Variants in PCDH15 observed in about 807,000 individuals in gnomAD.
PCDH15 encodes the protein protocadherin related 15.
Under a neutral mutation model 178.5 loss-of-function variants are expected in PCDH15, and 129 were observed. The ratio of observed to expected loss-of-function variants is 0.72; its 90% CI spans 0.63 to 0.84. The LOEUF (loss-of-function observed/expected upper bound fraction) is 0.84. PCDH15 is among the 40% of genes least tolerant of loss of function. PCDH15 has a pLI of 0.00. For missense variants in PCDH15, 2,230 were observed against 2,099.9 expected (o/e 1.06, Z -1.21); for synonymous variants, 800 against 732.0 (o/e 1.09, Z -1.50).
At chr10:54,872,511 G>T (rs1284777256) in intron 3 of PCDH15, among the ~76,000 whole-genome samples, 1 of 152,022 alleles carries the variant, frequency 6.6e-6, no homozygotes, top group Non-Finnish European at 1.5e-5. Context: ...CATAGTGAAA[G>T]ATTATCTTTC....
chr10:55,602,219 C>A (rs1490565060), intron 2 of PCDH15, among the ~76,000 whole-genome samples: 1 of 152,202 alleles, frequency 6.6e-6, no homozygotes, highest in African/African-American at 2.4e-5. Context: ...ATACCCCGCA[C>A]CTGGCTCGGA....
intron 2 of PCDH15, among the ~76,000 whole-genome samples, chr10:54,978,756 TC>T (rs1839142365): frequency 6.6e-6 from 1 of 152,124 alleles, no homozygotes; most frequent in Non-Finnish European, 1.5e-5. Flanking sequence ...TTGGCCCCCC[TC>T]AACATTCCTG....
chr10:54,410,160 T>C (rs1953282061), intron 3 of PCDH15, among the ~76,000 whole-genome samples: 1 of 151,952 alleles, frequency 6.6e-6, no homozygotes, highest in Non-Finnish European at 1.5e-5. Flanking sequence ...CAGGGCTGGG[T>C]TGATAATAAG....
chr10:55,222,775 C>G (rs901216534), intron 1 of PCDH15, among the ~76,000 whole-genome samples: 10 of 96,334 alleles, frequency 1.0e-4, no homozygotes, highest in African/African-American at 4.0e-4. Context: ...ATATGTAGTT[C>G]CTCTCTCTTT....
chr10:53,823,420 A>G (rs1172109957), intron 32 of PCDH15: 2 of 1,491,108 alleles, frequency 1.3e-6, no homozygotes, highest in African/African-American at 1.4e-5. Context: ...TTTCATGAGA[A>G]AGATGTTTTT....
rs150278081 is a variant in PCDH15 at position 54,946,853 on chromosome 10, T to C, written c.-79-49353A>G. ...AATTCCTTGTGCTCCTCTAATAAAA[T>C]CAGAGGTAAATAGATAATTCAATTC... On this transcript the variant is annotated intron_variant, in intron 2 of 5. Coordinates refer to the PCDH15 transcript ENST00000458638. Among the ~76,000 whole-genome samples, 924 of 151,898 alleles carry C rather than the reference T, an allele frequency of 6.1e-3. 11 individuals are homozygous for C. The highest frequency in any genetic ancestry group is 0.02 in the African/African-American group (836 of 41,486).
intron 23 of PCDH15, among the ~76,000 whole-genome samples, chr10:53,953,527 C>A (rs562064330): frequency 9.0e-4 from 137 of 151,820 alleles, no homozygotes; most frequent in Middle Eastern, 3.4e-3. Context: ...TTATTGAAAG[C>A]CAGCCACCAG....
Position 54,717,060 on chromosome 10 carries a change from T to C in PCDH15, c.-28-52770A>G, listed in dbSNP as rs1196130419. On this transcript the variant is annotated intron_variant, in intron 1 of 37. Transcript: ENST00000644397. ...GCTGGGAAAACTGGCTAGCTATATG[T>C]AGAAAGCTGAAACTGGATCCCTTCC... is the stretch of plus-strand genomic sequence containing the variant. Among the ~76,000 whole-genome samples the C allele has an allele frequency of 2.0e-5, 3 of 148,264 alleles. No homozygotes were observed. The East Asian group carries it at 5.8e-4, about 29-fold the overall frequency.
intron 2 of PCDH15, among the ~76,000 whole-genome samples, chr10:54,585,282 C>T (rs2091371476): frequency 6.6e-6 from 1 of 152,070 alleles, no homozygotes; most frequent in Admixed American, 6.6e-5. Context: ...TTTGGTACTC[C>T]CCAAGTAGCA....
chr10:54,390,869 C>G (rs999694356), intron 3 of PCDH15, among the ~76,000 whole-genome samples: 6 of 152,166 alleles, frequency 3.9e-5, no homozygotes, highest in African/African-American at 1.4e-4. Context: ...TCACCATTAT[C>G]ATTTTCCCAT....
intron 2 of PCDH15, among the ~76,000 whole-genome samples, chr10:54,612,339 G>T (rs1590511087): frequency 1.3e-5 from 2 of 151,802 alleles, no homozygotes; most frequent in Non-Finnish European, 3.0e-5. Flanking sequence ...ACTACACAGA[G>T]TGGCATGAAA....
At chr10:54,722,184 C>G (rs1162818384) in intron 1 of PCDH15, among the ~76,000 whole-genome samples, 1 of 151,352 alleles carries the variant, frequency 6.6e-6, no homozygotes, top group Non-Finnish European at 1.5e-5. Flanking sequence ...TGATGAAAAC[C>G]CTCAACAAAT....
chr10:54,213,223 G>A (rs1236915948), intron 10 of PCDH15, among the ~76,000 whole-genome samples: 1 of 151,946 alleles, frequency 6.6e-6, no homozygotes, highest in African/African-American at 2.4e-5. Context: ...TCTCTGCCTG[G>A]CAAATTCCTG....
chr10:53,869,762 T>C (rs2079702120), intron 26 of PCDH15, among the ~76,000 whole-genome samples: 1 of 151,740 alleles, frequency 6.6e-6, no homozygotes, highest in Admixed American at 6.6e-5. Context: ...CACAATATAG[T>C]GAAACTCTTA....
intron 32 of PCDH15, among the ~76,000 whole-genome samples, chr10:53,826,960 G>A (rs772295866): frequency 7.9e-5 from 12 of 151,746 alleles, no homozygotes; most frequent in South Asian, 2.1e-4. Flanking sequence ...AATAGGGATC[G>A]GTTTGGATAC....
At chr10:54,466,911 T>G (rs2077556915) in intron 3 of PCDH15, among the ~76,000 whole-genome samples, 1 of 152,002 alleles carries the variant, frequency 6.6e-6, no homozygotes, top group Non-Finnish European at 1.5e-5. Flanking sequence ...TATTTTATTG[T>G]AGCTGTTGTA....
In PCDH15 at chr10:54,850,759, T is replaced by C. The variant is rs141448194; in HGVS notation, c.-29+46691A>G. 2.0e-5 allele frequency among the ~76,000 whole-genome samples: 3 copies of C among 152,294 alleles called. No homozygotes were observed. In the East Asian group the frequency reaches 5.8e-4, roughly 29 times the overall value. On this transcript the variant is annotated intron_variant, in intron 3 of 5. Coordinates refer to the PCDH15 transcript ENST00000458638. ...TAGAAGTACAAAATTAAATCACATA[T>C]GCTACTTGAGAGTTTGCCAAATTAT... is the stretch of plus-strand genomic sequence containing the variant.
At chr10:54,079,104 T>C (rs1158033731) in intron 17 of PCDH15, among the ~76,000 whole-genome samples, 1 of 152,216 alleles carries the variant, frequency 6.6e-6, no homozygotes, top group Non-Finnish European at 1.5e-5. Flanking sequence ...GTGAGAATGC[T>C]GATCTCAAGT....
chr10:55,027,051 G>A (rs779538879), intron 2 of PCDH15, among the ~76,000 whole-genome samples: 1 of 151,946 alleles, frequency 6.6e-6, no homozygotes, highest in Non-Finnish European at 1.5e-5. Context: ...AGGAGTATGT[G>A]AAAGTTGAGT....
Sources: gnomAD v4.1 joint callset for allele counts (sites outside exome capture counted in the v4.1 genomes callset) on GRCh38, gnomAD v4.1.1 for gene constraint, MANE v1.5 for transcripts, NCBI Gene and HGNC (gene_info 2026-07-23, HGNC 2026-07-21) for gene names.